Variants in HJURP observed in about 807,000 individuals in gnomAD.
HJURP encodes Holliday junction recognition protein.
Under a neutral mutation model 72.0 loss-of-function variants are expected in HJURP, and 49 were observed. That is an observed-to-expected ratio of 0.68 (90% confidence interval 0.54 to 0.86). The LOEUF is 0.86. HJURP is among the 40% of genes least tolerant of loss of function. HJURP has a pLI of 0.00. For synonymous variants in HJURP, 357 were observed against 347.1 expected (o/e 1.03, Z -0.32); for missense variants, 908 against 936.3 (o/e 0.97, Z 0.39).
At chr2:233,852,033 T>G (rs1279660482) in intron 3 of HJURP, among the ~76,000 whole-genome samples, 1 of 152,170 alleles carries the variant, frequency 6.6e-6, no homozygotes, top group South Asian at 2.1e-4. Context: ...ATAACGGGTC[T>G]CAGAGCGACA....
At position 233,842,063 on chromosome 2, in the gene HJURP, G is replaced by C. The variant is rs768616654; in HGVS notation, c.717C>G (p.Thr239=). ...GGCTGCTTAAGAAGCTGCTGCTACT[G>C]GTCTCTTGTAGGGAGAGGCTGTCAT... The part of the protein sequence containing the change: ...PRNDSLSLQE[T]SSSSFLSSQP... The change falls in exon 8 of 9, where the codon ACC becomes ACG. Residue 239 remains threonine (T), a synonymous_variant. Coordinates refer to ENST00000411486, the MANE Select transcript of HJURP (RefSeq NM_018410.5). The C allele has an allele frequency of 7.4e-6, 12 of 1,614,042 alleles. No homozygotes were observed. Among genetic ancestry groups the C allele is most frequent in the Non-Finnish European group, 1.0e-5 (12 of 1,180,036 alleles).
At chr2:233,845,530 C>T (rs558141070) in intron 6 of HJURP, among the ~76,000 whole-genome samples, 198 bp downstream of exon 6, 6 of 152,284 alleles carry the variant, frequency 3.9e-5, no homozygotes, top group East Asian at 3.9e-4. Flanking sequence ...TTCCTGATGG[C>T]GCTGCCCTGG....
chr2:233,843,590 C>A (rs1574644672), intron 7 of HJURP, among the ~76,000 whole-genome samples: 1 of 152,050 alleles, frequency 6.6e-6, no homozygotes, highest in Non-Finnish European at 1.5e-5. Flanking sequence ...TGAAAGGTGA[C>A]CATGAGGGAG....
At chr2:233,851,473 C>T (rs1705494092) in intron 3 of HJURP, among the ~76,000 whole-genome samples, 1 of 152,194 alleles carries the variant, frequency 6.6e-6, no homozygotes, top group East Asian at 1.9e-4. Context: ...ATGTATCATC[C>T]GGCCCTTTGT....
chr2:233,837,410 T>G lies in HJURP; in HGVS notation c.*167A>C. 1 of 579,730 alleles carries G rather than the reference T, an allele frequency of 1.7e-6. No individual in the cohort carries two copies. 35.9% of individuals were successfully genotyped at this position (579,730 alleles called of 1,614,324 possible). On this transcript the variant is annotated 3_prime_UTR_variant, in exon 9 of 9. Transcript: ENST00000411486. Reference sequence around the variant, plus strand: ...AATTGAGCAACTTTATTCACATAATTTCTACACCAAGAACTCGAGGTTATC... The same window carrying G: ...AATTGAGCAACTTTATTCACATAATGTCTACACCAAGAACTCGAGGTTATC...
Position 233,840,720 on chromosome 2 carries a change from T to G in HJURP, c.2060A>C (p.Glu687Ala). 1.2e-6 allele frequency: 2 copies of G among 1,614,084 alleles called. No individual in the cohort carries two copies. The highest frequency in any genetic ancestry group is 1.7e-6 in the Non-Finnish European group (2 of 1,180,006). Residue 687 changes from glutamate (E) to alanine (A), a missense_variant, in exon 8 of 9, where the codon GAA becomes GCA. Coordinates refer to ENST00000411486, the MANE Select transcript of HJURP (RefSeq NM_018410.5). ...QFPAKRPRLS[E>A]PQGSGRQGNS... ...GCCCTGGCGTCCGGAGCCCTGGGGT[T>G]CTGATAGCCTGGGTCTTTTTGCAGG... is the stretch of plus-strand genomic sequence containing the variant.
At chr2:233,845,914 A>G in intron 5 of HJURP, 94 bp from the exon 6 acceptor site, 3 of 765,814 alleles carry the variant, frequency 3.9e-6, no homozygotes, top group Non-Finnish European at 6.8e-6. Context: ...ATTAATGTAC[A>G]AATCTTTACA....
chr2:233,853,747 T>A, intron 2 of HJURP, 97 bp downstream of exon 2: 1 of 985,702 alleles, frequency 1.0e-6, no homozygotes, highest in East Asian at 2.5e-5. Context: ...ATTAGTTAGG[T>A]GAACAATGTT....
In HJURP at chr2:233,852,652, A is replaced by G. The variant is rs370925434; in HGVS notation, c.185-32T>C. 23 of 1,508,822 alleles carry G rather than the reference A, an allele frequency of 1.5e-5. No homozygotes were observed. The African/African-American group carries it at 2.5e-4, about 16-fold the overall frequency. 93.5% of individuals were successfully genotyped at this position (1,508,822 alleles called of 1,614,324 possible). A position where few individuals can be genotyped will look rare whatever the true frequency, so the allele number is the denominator to read the frequency against. On this transcript the variant is annotated intron_variant, in intron 2 of 8. Transcript: ENST00000411486. The stretch of plus-strand genomic sequence containing the variant: ...AAAAGAAACAAAAATGACCATTTAC[A>G]TAATCCTGAACGCTGAACTTCTGCT...
chr2:233,845,895 G>A, intron 5 of HJURP, 75 bp from the exon 6 acceptor site: 1 of 905,258 alleles, frequency 1.1e-6, no homozygotes, highest in Non-Finnish European at 1.8e-6. Context: ...GGAACAAACT[G>A]GCAAGCTCAT....
At chr2:233,849,998 G>C (rs979890842) in intron 3 of HJURP, 139 bp from the exon 4 acceptor site, 9 of 625,294 alleles carry the variant, frequency 1.4e-5, no homozygotes, top group Non-Finnish European at 2.6e-5. Flanking sequence ...TCTTCTCCCT[G>C]CATGTCCACT....
At chr2:233,848,349 G>A (rs1272853676) in intron 4 of HJURP, among the ~76,000 whole-genome samples, 2 of 152,198 alleles carry the variant, frequency 1.3e-5, no homozygotes, top group East Asian at 1.9e-4. Context: ...GAGGCCATGC[G>A]GTCAGGCAGG....
chr2:233,841,404 G>A lies in HJURP; in HGVS notation c.1376C>T (p.Pro459Leu), dbSNP rs148843421. The A allele has an allele frequency of 8.0e-5, 129 of 1,614,014 alleles. No individual in the cohort carries two copies. The African/African-American group carries it at 8.7e-4, about 11-fold the overall frequency. ...PRNQPRRMCL[P>L]DSWAMNMYRG... ...GTACATGTTCATGGCCCAGGAGTCC[G>A]GGAGGCACATCCGGCGAGGCTGGTT... Residue 459 changes from proline (P) to leucine (L), a missense_variant, in exon 8 of 9, where the codon CCG becomes CTG. By Grantham distance (98) the Pro-to-Leu change is moderately conservative (BLOSUM62 -3). This residue lies in a region of HJURP where 598 missense variants were observed against 619.5 expected (regional missense o/e 0.97). Transcript: ENST00000411486.
chr2:233,844,505 C>A, intron 6 of HJURP, among the ~76,000 whole-genome samples: 1 of 152,188 alleles, frequency 6.6e-6, no homozygotes. Flanking sequence ...TAGCTTCCAG[C>A]CACAGTCACC....
At position 233,841,368 on chromosome 2, in the gene HJURP, G is replaced by A. The variant is rs764933510; in HGVS notation, c.1412C>T (p.Pro471Leu). The stretch of plus-strand genomic sequence containing the variant: ...GCCCTGAAGGCCACCAGGACTCGCA[G>A]GACCCCCTCTGTACATGTTCATGGC... ...SWAMNMYRGGPASPGGLQGLE... is the reference protein window; with the variant it reads ...SWAMNMYRGGLASPGGLQGLE... Residue 471 changes from proline to leucine, a missense_variant, in exon 8 of 9, where the codon CCT (proline) becomes CTT (leucine). This residue lies in a region of HJURP where 598 missense variants were observed against 619.5 expected (regional missense o/e 0.97). Transcript: ENST00000411486. 6.2e-7 allele frequency: 1 copy of A among 1,614,140 alleles called. No individual in the cohort carries two copies. Among genetic ancestry groups the A allele is most frequent in the Non-Finnish European group, 8.5e-7 (1 of 1,180,012 alleles).
intron 1 of HJURP, 108 bp from the exon 2 acceptor site, chr2:233,854,018 GCCC>G: frequency 1.1e-6 from 1 of 942,426 alleles, no homozygotes; most frequent in Non-Finnish European, 1.6e-6. Flanking sequence ...GGCCTGGGGC[GCCC>G]CAAACGCGGT....
intron 2 of HJURP, among the ~76,000 whole-genome samples, chr2:233,853,071 T>C (rs1342662360): frequency 6.6e-6 from 1 of 152,228 alleles, no homozygotes; most frequent in Non-Finnish European, 1.5e-5. Context: ...TTTTAGTTTC[T>C]GCCTGTGTAA....
chr2:233,847,349 G>T, intron 5 of HJURP, 48 bp downstream of exon 5: 1 of 1,436,816 alleles, frequency 7.0e-7, no homozygotes. Context: ...GGACCCCTGA[G>T]CCCCCAAGCG....
At chr2:233,844,829 T>C (rs1469409838) in intron 6 of HJURP, among the ~76,000 whole-genome samples, 1 of 152,230 alleles carries the variant, frequency 6.6e-6, no homozygotes, top group Non-Finnish European at 1.5e-5. Context: ...GCTGCCTTTT[T>C]CTGGAGATGA....
Sources: gnomAD v4.1 joint callset for allele counts (sites outside exome capture counted in the v4.1 genomes callset) on GRCh38, gnomAD v4.1.1 for gene constraint, gnomAD v4.1.1 regional missense constraint, MANE v1.5 for transcripts, NCBI Gene and HGNC (gene_info 2026-07-23, HGNC 2026-07-21) for gene names.